Variants in NAV3 observed in about 807,000 individuals in gnomAD.
The protein encoded by NAV3 is neuron navigator 3.
In NAV3, 87 loss-of-function variants were observed where a neutral mutation model predicts 244.7. The observed-to-expected ratio is 0.36, with a 90% CI of 0.30 to 0.42. NAV3 has a LOEUF of 0.42. Among genes scored for constraint, NAV3 ranks in the 20% least tolerant of loss-of-function variants. The pLI is 1.00. For missense variants in NAV3, 2,663 were observed against 2,893.3 expected (o/e 0.92, Z 1.83); for synonymous variants, 1,126 against 1,042.2 (o/e 1.08, Z -1.55).
At chr12:77,619,805 A>G (rs186571985) in intron 2 of NAV3, among the ~76,000 whole-genome samples, 1 of 152,284 alleles carries the variant, frequency 6.6e-6, no homozygotes, top group Non-Finnish European at 1.5e-5. Context: ...TCCATTCTCA[A>G]AATGACTTTG....
chr12:78,036,108 G>A (rs946852371), intron 9 of NAV3: 1 of 152,236 alleles, frequency 6.6e-6, no homozygotes, highest in Non-Finnish European at 1.5e-5. Flanking sequence ...AAGGTTAATA[G>A]TGGAAGATCT....
chr12:78,151,839 A>G lies in NAV3; in HGVS notation c.4785+2920A>G, dbSNP rs74107143. 3.2e-3 allele frequency among the ~76,000 whole-genome samples: 482 copies of G among 151,210 alleles called. 3 individuals are homozygous for G. The highest frequency in any genetic ancestry group is 0.011 in the African/African-American group (443 of 41,352). On this transcript the variant is annotated intron_variant, in intron 22 of 39. Coordinates refer to ENST00000397909, the MANE Select transcript of NAV3 (RefSeq NM_001024383.2). ...AGGATACAAGGGACCTCCCTGTACT[A>G]TCTTTGCAACTTCTTGTGTATATAA...
intron 2 of NAV3, among the ~76,000 whole-genome samples, chr12:77,585,353 C>A (rs776786211): frequency 7.9e-5 from 12 of 152,266 alleles, no homozygotes; most frequent in Non-Finnish European, 1.6e-4. Flanking sequence ...TTTCTACTCT[C>A]AAACACAGCG....
At chr12:78,002,968 A>AT (rs1873563816) in intron 7 of NAV3, among the ~76,000 whole-genome samples, 2 of 151,618 alleles carry the variant, frequency 1.3e-5, no homozygotes, top group African/African-American at 4.8e-5. Flanking sequence ...CCTGTACATA[A>AT]ATTACATACT....
At chr12:77,796,601 A>G (rs931162443) in intron 2 of NAV3, among the ~76,000 whole-genome samples, 1 of 152,232 alleles carries the variant, frequency 6.6e-6, no homozygotes, top group Admixed American at 6.5e-5. Context: ...AATGCTATCA[A>G]TTAGCATTGC....
intron 5 of NAV3, among the ~76,000 whole-genome samples, chr12:77,976,674 CTTTTTT>C (rs869041498): frequency 1.2e-5 from 1 of 83,430 alleles, no homozygotes; most frequent in African/African-American, 4.2e-5. Flanking sequence ...TTCTTTTTTT[CTTTTTT>C]TTTTTTTTTT....
chr12:77,748,490 A>T (rs992454272), intron 2 of NAV3, among the ~76,000 whole-genome samples: 1 of 152,206 alleles, frequency 6.6e-6, no homozygotes, highest in Non-Finnish European at 1.5e-5. Context: ...AAACAACCTC[A>T]GTGTCTGTTG....
At chr12:78,057,410 G>C (rs1484332919) in intron 11 of NAV3, among the ~76,000 whole-genome samples, 1 of 152,096 alleles carries the variant, frequency 6.6e-6, no homozygotes, top group Non-Finnish European at 1.5e-5. Context: ...AGTAAACTTT[G>C]TGATGACTGA....
At chr12:77,672,447 C>T (rs953257041) in intron 2 of NAV3, among the ~76,000 whole-genome samples, 4 of 152,096 alleles carry the variant, frequency 2.6e-5, no homozygotes, top group African/African-American at 7.2e-5. Context: ...TACTTGCACA[C>T]GCATGCTTAC....
At chr12:77,783,772 C>T (rs1015559925) in intron 2 of NAV3, among the ~76,000 whole-genome samples, 2 of 152,064 alleles carry the variant, frequency 1.3e-5, no homozygotes, top group Non-Finnish European at 2.9e-5. Flanking sequence ...CAGATACATA[C>T]AATTTAATAT....
At chr12:77,964,700 A>G (rs1267597251) in intron 3 of NAV3, among the ~76,000 whole-genome samples, 1 of 152,200 alleles carries the variant, frequency 6.6e-6, no homozygotes. Flanking sequence ...TCTGCAGAAC[A>G]ATAAGATTTA....
intron 23 of NAV3, among the ~76,000 whole-genome samples, chr12:78,162,374 T>C (rs186590978): frequency 6.6e-6 from 1 of 152,116 alleles, no homozygotes; most frequent in African/African-American, 2.4e-5. Context: ...GACAAAACAG[T>C]ACAGACAATA....
At chr12:77,852,991 C>A (rs1341322138) in intron 1 of NAV3, among the ~76,000 whole-genome samples, 2 of 152,236 alleles carry the variant, frequency 1.3e-5, no homozygotes, top group African/African-American at 4.8e-5. Context: ...TTGGGTAGAT[C>A]CCTAGGGGTG....
chr12:77,765,484 G>C (rs1186293763), intron 2 of NAV3, among the ~76,000 whole-genome samples: 3 of 152,284 alleles, frequency 2.0e-5, no homozygotes, highest in East Asian at 1.9e-4. Flanking sequence ...AGACTCACAA[G>C]AGCACAAAAG....
intron 12 of NAV3, chr12:78,091,578 C>G (rs1379395229): frequency 6.6e-6 from 1 of 151,872 alleles, no homozygotes; most frequent in Non-Finnish European, 1.5e-5. Flanking sequence ...GGGCGGATCA[C>G]GAGGTCAGGA....
chr12:77,713,017 T>C (rs1876194992), intron 2 of NAV3, among the ~76,000 whole-genome samples: 1 of 152,092 alleles, frequency 6.6e-6, no homozygotes, highest in South Asian at 2.1e-4. Context: ...GATACTAGGG[T>C]CACCACAAAA....
In NAV3 at chr12:77,905,980, C is replaced by A. The variant is rs1039924810; in HGVS notation, c.244-34339C>A. 5.1e-4 allele frequency among the ~76,000 whole-genome samples: 78 copies of A among 152,070 alleles called. 1 individual carries two copies. Among genetic ancestry groups the A allele is most frequent in the Non-Finnish European group, 1.3e-4 (9 of 68,010 alleles). On this transcript the variant is annotated intron_variant, in intron 1 of 39. Transcript: ENST00000397909. ...AGTTAACTGTCACTAGACCTTGCTCCCTCTGGTCACTTCTGATTAGACAAA... is the reference window on the plus strand; with the variant it reads ...AGTTAACTGTCACTAGACCTTGCTCACTCTGGTCACTTCTGATTAGACAAA...
intron 1 of NAV3, among the ~76,000 whole-genome samples, chr12:77,843,833 TAA>T (rs5799347): frequency 2.3e-4 from 33 of 146,556 alleles, no homozygotes; most frequent in Middle Eastern, 3.5e-3. Flanking sequence ...CTGTCTTGTT[TAA>T]AAAAAAAAAA....
chr12:78,020,516 G>A (rs767796047), intron 8 of NAV3, among the ~76,000 whole-genome samples: 1 of 152,072 alleles, frequency 6.6e-6, no homozygotes, highest in Non-Finnish European at 1.5e-5. Context: ...GTATAGGAAA[G>A]TTTCTTTCTT....
Sources: gnomAD v4.1 joint callset for allele counts (sites outside exome capture counted in the v4.1 genomes callset) on GRCh38, gnomAD v4.1.1 for gene constraint, MANE v1.5 for transcripts, NCBI Gene and HGNC (gene_info 2026-07-23, HGNC 2026-07-21) for gene names.